Variants in FBXW10B observed in about 807,000 individuals in gnomAD.
FBXW10B encodes F-box and WD repeat domain containing 10B.
the FBXW10B span, chr17:15,615,603 G>A: frequency 5.2e-4 from 832 of 1,611,362 alleles, 2 homozygotes; most frequent in African/African-American, 6.5e-4. Flanking sequence ...GTGAGCCACC[G>A]CACCTAGCCC....
chr17:15,578,754 T>G, the FBXW10B span, among the ~76,000 whole-genome samples: 168 of 152,288 alleles, frequency 1.1e-3, 1 homozygote, highest in South Asian at 4.6e-3. Context: ...TAAAAATTCC[T>G]AAGTCTTTGT....
the FBXW10B span, among the ~76,000 whole-genome samples, chr17:15,609,766 CT>C: frequency 1.3e-5 from 2 of 151,766 alleles, no homozygotes; most frequent in African/African-American, 2.4e-5. Flanking sequence ...GACTCTGTAA[CT>C]GCTTAGTCTT....
the FBXW10B span, among the ~76,000 whole-genome samples, chr17:15,610,841 C>T: frequency 6.6e-6 from 1 of 152,100 alleles, no homozygotes; most frequent in Admixed American, 6.6e-5. Flanking sequence ...TTGTGTTATA[C>T]TTAAAACAGC....
At chr17:15,605,647 G>C in the FBXW10B span, among the ~76,000 whole-genome samples, 1 of 152,136 alleles carries the variant, frequency 6.6e-6, no homozygotes, top group Non-Finnish European at 1.5e-5. Context: ...AAAAACTAGA[G>C]ACACAAGGCA....
At chr17:15,614,010 G>T in the FBXW10B span, 1 of 1,608,874 alleles carries the variant, frequency 6.2e-7, no homozygotes, top group Non-Finnish European at 8.5e-7. Context: ...GATATACACC[G>T]GAGTGAATTC....
At chr17:15,612,943 C>T in the FBXW10B span, 1 of 1,351,126 alleles carries the variant, frequency 7.4e-7, no homozygotes, top group East Asian at 2.5e-5. Flanking sequence ...TAAGCCCTGG[C>T]TGCAGCAGGC....
chr17:15,613,058 C>A, the FBXW10B span, among the ~76,000 whole-genome samples: 1 of 151,926 alleles, frequency 6.6e-6, no homozygotes, highest in Non-Finnish European at 1.5e-5. Flanking sequence ...GTCAGACTGT[C>A]GCCAGCCTCA....
chr17:15,598,281 TTA>T, the FBXW10B span, among the ~76,000 whole-genome samples: 3 of 151,688 alleles, frequency 2.0e-5, no homozygotes, highest in African/African-American at 7.3e-5. Flanking sequence ...CCATATCCTA[TTA>T]TTTTTTTTTT....
chr17:15,614,009 C>A, the FBXW10B span: 6 of 1,608,736 alleles, frequency 3.7e-6, 1 homozygote, highest in Non-Finnish European at 5.1e-6. Flanking sequence ...GGATATACAC[C>A]GGAGTGAATT....
chr17:15,596,969 G>A, the FBXW10B span, among the ~76,000 whole-genome samples: 18 of 151,788 alleles, frequency 1.2e-4, no homozygotes, highest in Non-Finnish European at 2.1e-4. Context: ...CTAATCAGCT[G>A]ATTCCTCAAG....
the FBXW10B span, among the ~76,000 whole-genome samples, chr17:15,584,539 G>A: frequency 2.6e-5 from 4 of 152,198 alleles, no homozygotes; most frequent in Admixed American, 6.5e-5. Context: ...TAGGAAAAAT[G>A]AAACATAACA....
the FBXW10B span, among the ~76,000 whole-genome samples, chr17:15,577,287 A>G: frequency 1.3e-5 from 2 of 152,160 alleles, no homozygotes; most frequent in South Asian, 2.1e-4. Context: ...TCTATTAACC[A>G]TGGTATGAAG....
At chr17:15,575,289 C>T in the FBXW10B span, among the ~76,000 whole-genome samples, 6 of 142,794 alleles carry the variant, frequency 4.2e-5, no homozygotes, top group Non-Finnish European at 7.4e-5. Context: ...GCTGTAAGAC[C>T]TGGAGACCAA....
At chr17:15,594,583 G>A in the FBXW10B span, 1 of 839,446 alleles carries the variant, frequency 1.2e-6, no homozygotes, top group Non-Finnish European at 1.8e-6. Context: ...AGAAGATGGT[G>A]GGGAAAAATG....
chr17:15,613,499 C>G, the FBXW10B span: 2 of 814,796 alleles, frequency 2.5e-6, no homozygotes, highest in Non-Finnish European at 3.7e-6. Flanking sequence ...TAAAAGGCCA[C>G]AAATGTAGAG....
chr17:15,598,329 A>T, the FBXW10B span: 3 of 615,642 alleles, frequency 4.9e-6, no homozygotes, highest in Non-Finnish European at 6.0e-6. Context: ...GGCTTGCTGT[A>T]GGTATTCTAC....
At chr17:15,607,791 C>T in the FBXW10B span, 1 of 1,027,784 alleles carries the variant, frequency 9.7e-7, no homozygotes, top group Non-Finnish European at 1.4e-6. Context: ...CAGATTCTTC[C>T]TCTGAAGGCT....
the FBXW10B span, among the ~76,000 whole-genome samples, chr17:15,605,666 A>G: frequency 6.6e-6 from 1 of 152,200 alleles, no homozygotes; most frequent in African/African-American, 2.4e-5. Flanking sequence ...CAATTTTTTA[A>G]CAATTCTGTA....
chr17:15,603,661 A>C, the FBXW10B span, among the ~76,000 whole-genome samples: 1 of 151,756 alleles, frequency 6.6e-6, no homozygotes, highest in Non-Finnish European at 1.5e-5. Flanking sequence ...AAAACAGTTT[A>C]GTACTCCTTC....
Sources: gnomAD v4.1 joint callset for allele counts (sites outside exome capture counted in the v4.1 genomes callset) on GRCh38, gnomAD v4.1.1 for gene constraint, MANE v1.5 for transcripts, NCBI Gene and HGNC (gene_info 2026-07-23, HGNC 2026-07-21) for gene names.